RNASEH2B: variants seen among roughly 807,000 people sequenced by gnomAD.
RNASEH2B encodes Aicardi-Goutieres syndrome 2 protein.
RNASEH2B carries 36 observed loss-of-function variants against 45.0 expected under a neutral mutation model. That is an observed-to-expected ratio of 0.80 (90% CI 0.61 to 1.06). The LOEUF is 1.06. RNASEH2B is among the 50% of genes least tolerant of loss of function. The pLI is 0.00. For missense variants in RNASEH2B, 361 were observed against 360.3 expected, an observed-to-expected ratio of 1.00 and a Z score of -0.02; for synonymous variants, 119 against 125.7, an observed-to-expected ratio of 0.95 and a Z score of 0.35.
intron 1 of RNASEH2B, among the ~76,000 whole-genome samples, chr13:50,916,695 C>T (rs749632606): frequency 1.3e-5 from 2 of 152,198 alleles, no homozygotes; most frequent in Non-Finnish European, 2.9e-5. Flanking sequence ...GCAAACATCC[C>T]TTGGTGTGCT....
At position 50,967,419 on chromosome 13, in the gene RNASEH2B, CA is replaced by C. The variant is rs1188307397; in HGVS notation, c.742-2510del. Among the ~76,000 whole-genome samples, 3 of 152,270 alleles carry C rather than the reference CA, an allele frequency of 2.0e-5. No homozygotes were observed. The South Asian group carries it at 6.2e-4, about 32-fold the overall frequency. ...GTTGGAAAGTAATAACAAAGACTGG[CA>C]AAGCGCATTGTGATTTTTAAAGCAA... On this transcript the variant is annotated intron_variant, in intron 9 of 9. Coordinates refer to the RNASEH2B transcript ENST00000422660.
intron 1 of RNASEH2B, among the ~76,000 whole-genome samples, chr13:50,915,892 TGGTAA>T (rs1372344994): frequency 2.0e-5 from 3 of 152,240 alleles, no homozygotes; most frequent in African/African-American, 7.2e-5. Context: ...TCTCAACATT[TGGTAA>T]GGCTCTCCTG....
intron 9 of RNASEH2B, among the ~76,000 whole-genome samples, chr13:50,965,898 A>G (rs543003771): frequency 1.3e-5 from 2 of 152,292 alleles, no homozygotes; most frequent in South Asian, 4.1e-4. Context: ...TGTGGTTTTT[A>G]TAAACTCTTT....
At chr13:50,961,494 G>T (rs1421173883), downstream of RNASEH2B, among the ~76,000 whole-genome samples, 3 of 152,264 alleles carry the variant, frequency 2.0e-5, no homozygotes, top group South Asian at 2.1e-4. Flanking sequence ...GACCCTTCAA[G>T]CTGACTTGTG....
intron 4 of RNASEH2B, among the ~76,000 whole-genome samples, chr13:50,932,836 T>G (rs768254524): frequency 2.6e-5 from 4 of 152,138 alleles, no homozygotes; most frequent in Non-Finnish European, 5.9e-5. Flanking sequence ...GTAGGTAAAT[T>G]AATTTAAGTT....
Position 50,910,057 on chromosome 13 carries a change from C to A in RNASEH2B, c.-20C>A. The A allele has an allele frequency of 3.4e-6, 5 of 1,465,416 alleles. No homozygotes were observed. Among genetic ancestry groups the A allele is most frequent in the Non-Finnish European group, 4.5e-6 (5 of 1,113,138 alleles). The allele number at this position is 1,465,416 out of a possible 1,614,324, so 90.8% of individuals were successfully genotyped here. On this transcript the variant is annotated 5_prime_UTR_variant, in exon 1 of 11. Transcript: ENST00000336617. ...GGCCCGCGGCGCTGAGCCTGCGGCG[C>A]CCCGGAAGAGGCGGGCGGCATGGCC...
intron 1 of RNASEH2B, among the ~76,000 whole-genome samples, chr13:50,914,633 GCTAT>G (rs2137884056): frequency 6.6e-6 from 1 of 152,236 alleles, no homozygotes; most frequent in Admixed American, 6.5e-5. Context: ...TGCTCCCCTT[GCTAT>G]CTATCTGAGC....
intron 4 of RNASEH2B, among the ~76,000 whole-genome samples, chr13:50,933,422 G>A (rs760663572): frequency 3.3e-5 from 5 of 152,154 alleles, no homozygotes; most frequent in Non-Finnish European, 5.9e-5. Context: ...TCCCAAACAC[G>A]TCTTCCCAAG....
intron 9 of RNASEH2B, chr13:50,952,389 A>C (rs768030495): frequency 9.9e-5 from 15 of 152,102 alleles, no homozygotes; most frequent in African/African-American, 3.4e-4. Context: ...TTGCTGTCTT[A>C]ATTTAAATAG....
rs766145608 is a variant in RNASEH2B, at chr13:50,956,514, A to T, written c.*40A>T. The T allele has an allele frequency of 1.3e-5, 20 of 1,571,286 alleles. No individual in the cohort carries two copies. In the East Asian group the frequency reaches 4.6e-4, roughly 36 times the overall value. Reference sequence around the variant, plus strand: ...AATCTAGCAAAAATATTTGCTTTTTACATGTTTCAGTTTGTCCTTCCTGAC... The same window carrying T: ...AATCTAGCAAAAATATTTGCTTTTTTCATGTTTCAGTTTGTCCTTCCTGAC... On this transcript the variant is annotated 3_prime_UTR_variant, in exon 11 of 11. Coordinates refer to ENST00000336617, the MANE Select transcript of RNASEH2B (RefSeq NM_024570.4).
intron 1 of RNASEH2B, among the ~76,000 whole-genome samples, chr13:50,922,666 A>G (rs1252033160): frequency 6.6e-6 from 1 of 152,198 alleles, no homozygotes; most frequent in Admixed American, 6.5e-5. Context: ...AACAGCAATA[A>G]CAAATCCTGG....
chr13:50,939,102 C>T (rs1036814349), intron 5 of RNASEH2B: 1 of 152,424 alleles, frequency 6.6e-6, no homozygotes, highest in African/African-American at 2.4e-5. Context: ...CGCCTGTAAT[C>T]CCAGCACTTT....
At chr13:50,925,061 G>T (rs117489601) in intron 1 of RNASEH2B, among the ~76,000 whole-genome samples, 2 of 151,546 alleles carry the variant, frequency 1.3e-5, no homozygotes, top group African/African-American at 4.9e-5. Context: ...AAGTTGTCCC[G>T]TAGTTTACTA....
chr13:50,969,493 C>T (rs1279668120), intron 9 of RNASEH2B, among the ~76,000 whole-genome samples: 1 of 143,650 alleles, frequency 7.0e-6, no homozygotes, highest in Non-Finnish European at 1.5e-5. Context: ...CACAAGGCTT[C>T]CTGCTTTTTA....
chr13:50,969,471 C>T (rs1210032069), intron 9 of RNASEH2B, among the ~76,000 whole-genome samples: 2 of 140,360 alleles, frequency 1.4e-5, no homozygotes, highest in Non-Finnish European at 3.0e-5. Context: ...ATTTTTTATA[C>T]ATTGGAGTCT....
At chr13:50,949,650 T>C (rs1951951819) in intron 9 of RNASEH2B, 145 bp downstream of exon 9, 2 of 712,582 alleles carry the variant, frequency 2.8e-6, no homozygotes, top group Non-Finnish European at 4.8e-6. Context: ...AAGATTGTAC[T>C]GGGCTCTCCA....
intron 1 of RNASEH2B, among the ~76,000 whole-genome samples, chr13:50,923,295 G>T (rs1035921747): frequency 7.9e-5 from 12 of 152,096 alleles, no homozygotes; most frequent in Admixed American, 6.5e-4. Context: ...TCCCAAATTT[G>T]ATTTAAAAAA....
intron 4 of RNASEH2B, 48 bp downstream of exon 4, chr13:50,930,807 A>G (rs370521248): frequency 1.4e-6 from 2 of 1,402,032 alleles, no homozygotes; most frequent in South Asian, 1.2e-5. Flanking sequence ...AGAATCAACT[A>G]TTTTTGTTTG....
chr13:50,935,059 GGCT>G, intron 5 of RNASEH2B, 60 bp downstream of exon 5: 2 of 1,083,442 alleles, frequency 1.8e-6, no homozygotes, highest in Non-Finnish European at 1.4e-6. Context: ...CTAAGAACGT[GGCT>G]GCTTACAGAC....
Sources: allele counts gnomAD v4.1 joint callset (sites outside exome capture counted in the v4.1 genomes callset), GRCh38; gene constraint gnomAD v4.1.1; transcripts MANE v1.5; gene names NCBI Gene and HGNC (gene_info 2026-07-23, HGNC 2026-07-21).